Variants in WWP2 observed in about 807,000 individuals in gnomAD.
WWP2 encodes NEDD4-like E3 ubiquitin-protein ligase WWP2.
WWP2 carries 57 observed loss-of-function variants against 121.0 expected under a neutral mutation model. The ratio of observed to expected loss-of-function variants is 0.47; its 90% CI spans 0.38 to 0.59. WWP2 has a LOEUF of 0.59. Ranked by LOEUF, WWP2 falls within the 20% of genes least tolerant of loss-of-function variation. The pLI, the probability that WWP2 is intolerant of heterozygous loss-of-function variation, is 0.00. For missense variants in WWP2, 962 were observed against 1,158.9 expected (o/e 0.83, Z 2.47); for synonymous variants, 449 against 441.3 (o/e 1.02, Z -0.22).
At chr16:69,900,122 C>T (rs1413373732) in intron 8 of WWP2, among the ~76,000 whole-genome samples, 1 of 152,124 alleles carries the variant, frequency 6.6e-6, no homozygotes, top group African/African-American at 2.4e-5. Flanking sequence ...AAATTTTTGA[C>T]ACCTAATTAT....
At chr16:69,886,544 G>C (rs2151936387) in intron 7 of WWP2, among the ~76,000 whole-genome samples, 1 of 152,128 alleles carries the variant, frequency 6.6e-6, no homozygotes, top group East Asian at 1.9e-4. Flanking sequence ...CATATCACTT[G>C]AGGCCAGGAG....
intron 7 of WWP2, among the ~76,000 whole-genome samples, chr16:69,878,410 A>G (rs2057771666): frequency 6.6e-6 from 1 of 152,246 alleles, no homozygotes; most frequent in African/African-American, 2.4e-5. Context: ...ATGCCTGTAT[A>G]TAAAACATGC....
intron 8 of WWP2, among the ~76,000 whole-genome samples, chr16:69,893,802 C>G (rs929297959): frequency 1.3e-5 from 2 of 152,158 alleles, no homozygotes; most frequent in Non-Finnish European, 2.9e-5. Context: ...CCTCGGCCTC[C>G]CAAAATGCTG....
At chr16:69,852,945 G>T (rs2057246065) in intron 6 of WWP2, among the ~76,000 whole-genome samples, 2 of 151,334 alleles carry the variant, frequency 1.3e-5, no homozygotes, top group African/African-American at 4.9e-5. Context: ...TTACGATTTG[G>T]CTCTTTGCAG....
chr16:69,907,393 A>G (rs754293445), intron 8 of WWP2, among the ~76,000 whole-genome samples: 5 of 152,200 alleles, frequency 3.3e-5, no homozygotes, highest in Non-Finnish European at 7.3e-5. Flanking sequence ...CATTGGAACA[A>G]ATTTGCATTT....
At chr16:69,846,681 A>G (rs2057086466) in intron 6 of WWP2, among the ~76,000 whole-genome samples, 1 of 151,792 alleles carries the variant, frequency 6.6e-6, no homozygotes, top group Admixed American at 6.6e-5. Context: ...AGATTGCGCC[A>G]CTGCACTCCA....
At position 69,871,841 on chromosome 16, in the gene WWP2, C is replaced by G. The variant is rs777097298; in HGVS notation, c.613C>G (p.Pro205Ala). ...TTCGGGTGCTTCAGCCAGAACAACCCCAGCAACCGGCGAGCAAAGCCCCGG... is the reference window on the plus strand; with the variant it reads ...TTCGGGTGCTTCAGCCAGAACAACCGCAGCAACCGGCGAGCAAAGCCCCGG... ...RHSGASARTT[P>A]ATGEQSPGAR... Residue 205 changes from proline (P) to alanine (A), a missense_variant, in exon 7 of 24, where the codon CCA becomes GCA. Physicochemically the swap from Pro to Ala is conservative, Grantham distance 27. Coordinates refer to ENST00000359154, the MANE Select transcript of WWP2 (RefSeq NM_001270454.2). 8 of 1,614,122 alleles carry G rather than the reference C, an allele frequency of 5.0e-6. No individual in the cohort carries two copies. Among genetic ancestry groups the G allele is most frequent in the Non-Finnish European group, 6.8e-6 (8 of 1,180,034 alleles).
intron 2 of WWP2, among the ~76,000 whole-genome samples, chr16:69,794,995 G>A (rs1022391665): frequency 4.0e-5 from 6 of 151,822 alleles, no homozygotes. Flanking sequence ...CGGGTAGATC[G>A]CTTGAGTCCA....
chr16:69,905,316 T>C (rs2058272962), intron 8 of WWP2, among the ~76,000 whole-genome samples: 1 of 152,192 alleles, frequency 6.6e-6, no homozygotes, highest in Non-Finnish European at 1.5e-5. Flanking sequence ...AACCTCCAGA[T>C]CTCACTGTTC....
intron 6 of WWP2, among the ~76,000 whole-genome samples, chr16:69,861,562 T>C (rs2057421336): frequency 6.6e-6 from 1 of 152,088 alleles, no homozygotes; most frequent in Non-Finnish European, 1.5e-5. Context: ...GAGCCGTAAA[T>C]TGCGCTTGCA....
At chr16:69,913,723 T>G (rs530323907) in intron 9 of WWP2, among the ~76,000 whole-genome samples, 2 of 151,850 alleles carry the variant, frequency 1.3e-5, no homozygotes, top group African/African-American at 4.8e-5. Context: ...ACAGGAGCTT[T>G]TAGAAATTAA....
At chr16:69,835,736 G>A (rs2056864704) in intron 4 of WWP2, among the ~76,000 whole-genome samples, 1 of 151,868 alleles carries the variant, frequency 6.6e-6, no homozygotes, top group Non-Finnish European at 1.5e-5. Flanking sequence ...GAAAATAACT[G>A]CATATATCAT....
chr16:69,914,594 A>T (rs4985377), intron 9 of WWP2, among the ~76,000 whole-genome samples: 2 of 151,822 alleles, frequency 1.3e-5, no homozygotes, highest in African/African-American at 2.4e-5. Context: ...ACTATCTCTT[A>T]GAAAAACAAA....
intron 6 of WWP2, among the ~76,000 whole-genome samples, chr16:69,862,554 A>G (rs2057441745): frequency 6.6e-6 from 1 of 151,858 alleles, no homozygotes; most frequent in South Asian, 2.1e-4. Flanking sequence ...CCTGGCCAGT[A>G]ATCAGTTTTT....
At chr16:69,851,094 T>G (rs1024953893) in intron 6 of WWP2, among the ~76,000 whole-genome samples, 9 of 148,660 alleles carry the variant, frequency 6.1e-5, no homozygotes, top group Non-Finnish European at 1.0e-4. Context: ...TACTGCAACC[T>G]CTGCCTCCCA....
chr16:69,886,779 C>A (rs1326886226), intron 7 of WWP2, among the ~76,000 whole-genome samples: 1 of 152,074 alleles, frequency 6.6e-6, no homozygotes, highest in Non-Finnish European at 1.5e-5. Context: ...CAACCCCTCA[C>A]CAACTTTCTG....
intron 8 of WWP2, among the ~76,000 whole-genome samples, chr16:69,898,217 A>G (rs1019477616): frequency 6.6e-6 from 1 of 151,772 alleles, no homozygotes; most frequent in African/African-American, 2.4e-5. Context: ...TAGTAGAGAC[A>G]GGGTTTCGCC....
intron 4 of WWP2, among the ~76,000 whole-genome samples, chr16:69,811,290 TC>T (rs1421988150): frequency 1.3e-5 from 2 of 152,034 alleles, no homozygotes; most frequent in African/African-American, 4.8e-5. Flanking sequence ...GTAGGTTTTT[TC>T]CCTCCCCAAT....
At chr16:69,890,610 T>C (rs2058009475) in intron 8 of WWP2, among the ~76,000 whole-genome samples, 1 of 152,188 alleles carries the variant, frequency 6.6e-6, no homozygotes, top group Non-Finnish European at 1.5e-5. Flanking sequence ...CCCAGTGAGC[T>C]GTTTGTTTTC....
Sources: allele counts gnomAD v4.1 joint callset (sites outside exome capture counted in the v4.1 genomes callset), GRCh38; gene constraint gnomAD v4.1.1; transcripts MANE v1.5; gene names NCBI Gene and HGNC (gene_info 2026-07-23, HGNC 2026-07-21).